The following ITGAX variants were observed in gnomAD, a reference collection of about 807,000 sequenced individuals.
The protein encoded by ITGAX is integrin subunit alpha X.
Under a neutral mutation model 140.2 loss-of-function variants are expected in ITGAX, and 99 were observed. The ratio of observed to expected loss-of-function variants is 0.71; its 90% confidence interval spans 0.60 to 0.83. The LOEUF is 0.83. ITGAX is among the 40% of genes least tolerant of loss of function. The pLI is 0.00. For synonymous variants in ITGAX, 631 were observed against 600.4 expected, an observed-to-expected ratio of 1.05 and a Z score of -0.75; for missense variants, 1,444 against 1,482.0, an observed-to-expected ratio of 0.97 and a Z score of 0.42.
chr16:31,371,419 G>C lies in ITGAX; in HGVS notation c.1927G>C (p.Val643Leu), dbSNP rs2080958130. Residue 643 changes from valine (V) to leucine (L), a missense_variant, in exon 16 of 30, where the codon GTG (valine) becomes CTG (leucine). Physicochemically the swap from Val to Leu is conservative, Grantham distance 32 (BLOSUM62 1). Coordinates refer to ENST00000268296, the MANE Select transcript of ITGAX (RefSeq NM_000887.5). ...GTCTGCGTTTGAGTGTCGGGAGCAG[G>C]TGGTCTCTGAGCAGACCCTGGTACA... ...PRSAFECREQ[V>L]VSEQTLVQSN... The C allele has an allele frequency of 6.2e-7, 1 of 1,614,068 alleles. No homozygotes were observed. The highest frequency in any genetic ancestry group is 8.5e-7 in the Non-Finnish European group (1 of 1,180,046).
intron 5 of ITGAX, among the ~76,000 whole-genome samples, chr16:31,359,370 G>GTT (rs1166172711): frequency 3.6e-4 from 54 of 151,952 alleles, no homozygotes; most frequent in Admixed American, 9.8e-4. Flanking sequence ...TTCACCATGT[G>GTT]GGCCAGGATG....
chr16:31,371,265 G>A (rs765656047), intron 15 of ITGAX, 51 bp downstream of exon 15: 5 of 1,606,468 alleles, frequency 3.1e-6, no homozygotes, highest in East Asian at 2.2e-5. Context: ...GGTTCAGATG[G>A]GGGTGCCCAC....
intron 16 of ITGAX, 23 bp downstream of exon 16, chr16:31,371,520 CA>C (rs1266437756): frequency 6.2e-7 from 1 of 1,612,096 alleles, no homozygotes; most frequent in Non-Finnish European, 8.5e-7. Flanking sequence ...CCCTCCAACC[CA>C]GGACACCCTG....
chr16:31,360,346 G>T lies in ITGAX; in HGVS notation c.744G>T (p.Arg248Ser). 6.2e-7 allele frequency: 1 copy of T among 1,614,004 alleles called. No homozygotes were observed. Among genetic ancestry groups the T allele is most frequent in the Non-Finnish European group, 8.5e-7 (1 of 1,179,928 alleles). Residue 248 changes from arginine to serine, a missense_variant, in exon 8 of 30, where the codon AGG (arginine) becomes AGT (serine). Arg to Ser is a moderately radical substitution (Grantham distance 110, BLOSUM62 -1). Coordinates refer to ENST00000268296, the MANE Select transcript of ITGAX (RefSeq NM_000887.5). ...RLFHASYGAR[R>S]DAAKILIVIT... ...TCCATGCCTCATATGGGGCCCGTAGGGATGCCGCCAAAATTCTCATTGTCA... is the reference window on the plus strand; with the variant it reads ...TCCATGCCTCATATGGGGCCCGTAGTGATGCCGCCAAAATTCTCATTGTCA...
chr16:31,356,563 G>C (rs1045466322), intron 2 of ITGAX, 62 bp from the exon 3 acceptor site: 2 of 1,184,894 alleles, frequency 1.7e-6, no homozygotes, highest in Non-Finnish European at 2.5e-6. Flanking sequence ...CAAACTTGCC[G>C]GAGTGGCAGC....
rs79281800 is a variant in ITGAX, at chr16:31,369,701, G to T, written c.1711-1383G>T. The stretch of plus-strand genomic sequence containing the variant: ...TTTTGAACTTTTAGATTTAGAGGGG[G>T]TACACCTAGCCTTTCTAGACTCCCT... On this transcript the variant is annotated intron_variant, in intron 14 of 29. Transcript: ENST00000268296. 8.5e-3 allele frequency among the ~76,000 whole-genome samples: 1,298 copies of T among 152,234 alleles called. 18 individuals carry two copies. The highest frequency in any genetic ancestry group is 0.03 in the African/African-American group (1,231 of 41,520).
chr16:31,370,591 G>A (rs954142420), intron 14 of ITGAX, among the ~76,000 whole-genome samples: 2 of 152,188 alleles, frequency 1.3e-5, no homozygotes, highest in Non-Finnish European at 2.9e-5. Flanking sequence ...TCTTTGCAAC[G>A]AGGGAGGTGA....
At chr16:31,365,682 G>A (rs2080885672) in intron 14 of ITGAX, among the ~76,000 whole-genome samples, 1 of 152,256 alleles carries the variant, frequency 6.6e-6, no homozygotes, top group Non-Finnish European at 1.5e-5. Context: ...CAGCACTTTG[G>A]GAGGCTGAGG....
intron 29 of ITGAX, 105 bp downstream of exon 29, chr16:31,381,112 C>A (rs2142534116): frequency 1.2e-6 from 1 of 836,818 alleles, no homozygotes; most frequent in South Asian, 1.6e-5. Context: ...CTTACTGGGT[C>A]ACTTCATATG....
In ITGAX at chr16:31,379,844, G is replaced by A. The variant is rs780249563; in HGVS notation, c.2956G>A (p.Val986Met). The change falls in exon 25 of 30, where the codon GTG becomes ATG. Residue 986 changes from valine to methionine, a missense_variant. Coordinates refer to ENST00000268296, the MANE Select transcript of ITGAX (RefSeq NM_000887.5). ...ELNQEAVWMD[V>M]EVSHPQNPSL... ...GAACCAGGAGGCTGTGTGGATGGAT[G>A]TGGAGGTCTCCCACCCCCAGGTACC... 1.2e-5 allele frequency: 20 copies of A among 1,614,030 alleles called. No individual in the cohort carries two copies. The highest frequency in any genetic ancestry group is 2.2e-5 in the East Asian group (1 of 44,896).
At position 31,357,013 on chromosome 16, in the gene ITGAX, A is replaced by C; in HGVS notation, c.248-18A>C. ...TCTGTACCCCCGAGAGTGACCATGC[A>C]CATATCTGTCCCCACAGTGCCCCCG... On this transcript the variant is annotated intron_variant, in intron 3 of 29. Transcript: ENST00000268296. 6.3e-7 allele frequency: 1 copy of C among 1,599,648 alleles called. No homozygotes were observed. The highest frequency in any genetic ancestry group is 8.5e-7 in the Non-Finnish European group (1 of 1,175,294).
Position 31,381,967 on chromosome 16 carries a change from C to G in ITGAX, c.*60C>G. On this transcript the variant is annotated 3_prime_UTR_variant, in exon 30 of 30. Coordinates refer to ENST00000268296, the MANE Select transcript of ITGAX (RefSeq NM_000887.5). ...AGTTTTCCCCACTTACTTACCCTCA[C>G]CTGTCAGGCCTGACGGGGAGGAACC... The G allele has an allele frequency of 7.1e-7, 1 of 1,406,956 alleles. No homozygotes were observed. Among genetic ancestry groups the G allele is most frequent in the Non-Finnish European group, 1.0e-6 (1 of 1,001,680 alleles). 87.2% of individuals were successfully genotyped at this position (1,406,956 alleles called of 1,614,324 possible).
At chr16:31,359,618 G>A in intron 5 of ITGAX, 82 bp from the exon 6 acceptor site, 1 of 1,527,262 alleles carries the variant, frequency 6.5e-7, no homozygotes, top group Non-Finnish European at 8.9e-7. Flanking sequence ...GGTTTTGGGA[G>A]AGTGAGCTCT....
rs751433732 is a variant in ITGAX, at chr16:31,361,840, G to A, written c.1017G>A (p.Thr339=). Residue 339 remains threonine, a synonymous_variant, in exon 10 of 30, where the codon ACG becomes ACA. Transcript: ENST00000268296. ...LKEKIFAIEG[T]ETTSSSSFEL... The stretch of plus-strand genomic sequence containing the variant: ...AAGCGTCATGCCTTCCCCCAGGTAC[G>A]GAGACCACAAGCAGTAGCTCCTTCG... 3.8e-5 allele frequency: 62 copies of A among 1,613,862 alleles called. No homozygotes were observed. Among genetic ancestry groups the A allele is most frequent in the Non-Finnish European group, 5.2e-5 (61 of 1,179,982 alleles).
intron 17 of ITGAX, 136 bp downstream of exon 17, chr16:31,371,920 C>A (rs1184092589): frequency 9.8e-6 from 10 of 1,019,936 alleles, no homozygotes; most frequent in Non-Finnish European, 1.4e-5. Context: ...GTGCTTACTG[C>A]ACGTTAGCCA....
intron 8 of ITGAX, 134 bp from the exon 9 acceptor site, chr16:31,360,929 G>C: frequency 3.6e-6 from 3 of 825,492 alleles, no homozygotes; most frequent in Non-Finnish European, 5.9e-6. Flanking sequence ...GATGCTGTCC[G>C]GGCTTCGTGT....
intron 20 of ITGAX, among the ~76,000 whole-genome samples, chr16:31,373,632 T>C (rs777386020): frequency 1.5e-4 from 23 of 152,362 alleles, no homozygotes; most frequent in Admixed American, 6.5e-4. Context: ...TTCCATATTA[T>C]ATCAGTATTC....
In ITGAX at chr16:31,360,388, A is replaced by C; in HGVS notation, c.786A>C (p.Lys262Asn). 3.7e-6 allele frequency: 6 copies of C among 1,614,114 alleles called. No individual in the cohort carries two copies. The highest frequency in any genetic ancestry group is 5.1e-6 in the Non-Finnish European group (6 of 1,180,004). Reference sequence around the variant, plus strand: ...TCATTGTCATCACTGATGGGAAGAAAGAAGGCGACAGCCTGGATTATAAGG... The same window carrying C: ...TCATTGTCATCACTGATGGGAAGAACGAAGGCGACAGCCTGGATTATAAGG... ...KILIVITDGK[K>N]EGDSLDYKDV... The change falls in exon 8 of 30, where the codon AAA becomes AAC. Residue 262 changes from lysine to asparagine, a missense_variant. Coordinates refer to ENST00000268296, the MANE Select transcript of ITGAX (RefSeq NM_000887.5).
At position 31,359,736 on chromosome 16, in the gene ITGAX, T is replaced by C; in HGVS notation, c.467T>C (p.Ile156Thr). The C allele has an allele frequency of 6.2e-7, 1 of 1,614,138 alleles. No homozygotes were observed. The highest frequency in any genetic ancestry group is 1.1e-5 in the South Asian group (1 of 91,086). Residue 156 changes from isoleucine (I) to threonine (T), a missense_variant, in exon 6 of 30, where the codon ATC (isoleucine) becomes ACC (threonine). Ile to Thr is a moderately conservative substitution (Grantham distance 89). Transcript: ENST00000268296. ...CAGGAGCAGGACATTGTGTTCCTGA[T>C]CGATGGCTCAGGCAGCATCTCCTCC... ...PRQEQDIVFLIDGSGSISSRN... is the reference protein window; with the variant it reads ...PRQEQDIVFLTDGSGSISSRN...
Sources: allele counts gnomAD v4.1 joint callset (sites outside exome capture counted in the v4.1 genomes callset), GRCh38; gene constraint gnomAD v4.1.1; transcripts MANE v1.5; gene names NCBI Gene and HGNC (gene_info 2026-07-23, HGNC 2026-07-21).